The following ASIP variants were observed in gnomAD, a reference collection of about 807,000 sequenced individuals.
ASIP encodes agouti signaling protein.
A neutral mutation model predicts 10.3 loss-of-function variants in ASIP; 11 were observed. The ratio of observed to expected loss-of-function variants is 1.07; its 90% CI spans 0.68 to 1.78. The LOEUF (loss-of-function observed/expected upper bound fraction) is 1.78. Among genes scored for constraint, ASIP ranks in the 40% most tolerant of loss-of-function variants. ASIP has a pLI of 0.00. For synonymous variants in ASIP, 70 were observed against 70.8 expected, an observed-to-expected ratio of 0.99 and a Z score of 0.06; for missense variants, 180 against 169.2, an observed-to-expected ratio of 1.06 and a Z score of -0.35.
intron 1 of ASIP, among the ~76,000 whole-genome samples, chr20:34,222,838 CG>C (rs1319305977): frequency 2.0e-5 from 3 of 152,178 alleles, no homozygotes; most frequent in Non-Finnish European, 4.4e-5. Flanking sequence ...CTGTGTTGGC[CG>C]GGCCGGTCTC....
chr20:34,235,841 G>GGAAGGAAGGAAGGAAGGA (rs2035182331), intron 1 of ASIP, among the ~76,000 whole-genome samples: 1 of 36,160 alleles, frequency 2.8e-5, no homozygotes, highest in African/African-American at 3.6e-4. Flanking sequence ...AAGAAAGAAA[G>GGAAGGAAGGAAGGAAGGA]AAGGAAGGAA....
At chr20:34,205,356 T>C (rs2034927930) in intron 1 of ASIP, among the ~76,000 whole-genome samples, 1 of 152,030 alleles carries the variant, frequency 6.6e-6, no homozygotes, top group South Asian at 2.1e-4. Context: ...CTGCAGACCT[T>C]CGTGGTGAGT....
intron 1 of ASIP, among the ~76,000 whole-genome samples, chr20:34,220,022 G>A (rs1477331976): frequency 1.3e-5 from 2 of 152,026 alleles, no homozygotes; most frequent in South Asian, 2.1e-4. Context: ...CCCGGGAAGC[G>A]GAGCTTGCAG....
intron 1 of ASIP, among the ~76,000 whole-genome samples, chr20:34,199,091 A>G (rs543631333): frequency 3.7e-4 from 56 of 152,216 alleles, no homozygotes; most frequent in African/African-American, 1.3e-3. Context: ...TATGTTGTAT[A>G]TGGTAATATT....
chr20:34,258,745 C>G (rs1205309), intron 1 of ASIP, among the ~76,000 whole-genome samples: 1 of 57,404 alleles, frequency 1.7e-5, no homozygotes, highest in East Asian at 4.8e-4. Flanking sequence ...TATATATATA[C>G]TATATATAAT....
upstream of ASIP, among the ~76,000 whole-genome samples, chr20:34,191,573 T>C (rs6059709): frequency 0.31 from 46,472 of 152,020 alleles, 11,504 homozygotes; most frequent in African/African-American, 0.69. Flanking sequence ...CTCTTCTAAT[T>C]CTACAAATCC....
At chr20:34,187,430 C>G in the ASIP span, among the ~76,000 whole-genome samples, 14 of 152,184 alleles carry the variant, frequency 9.2e-5, no homozygotes, top group African/African-American at 3.4e-4. Context: ...ATCCCCTGCT[C>G]CAGGCTAGGG....
At chr20:34,193,239 G>A (rs534310788), upstream of ASIP, among the ~76,000 whole-genome samples, 5 of 152,320 alleles carry the variant, frequency 3.3e-5, no homozygotes, top group Admixed American at 6.5e-5. Flanking sequence ...TACAGCTACA[G>A]CATTTCTACA....
At position 34,200,993 on chromosome 20, in the gene ASIP, C is replaced by T. The variant is rs1236697775; in HGVS notation, c.-11+6233C>T. 2.6e-3 allele frequency among the ~76,000 whole-genome samples: 148 copies of T among 56,530 alleles called. 7 individuals carry two copies. The highest frequency in any genetic ancestry group is 0.025 in the African/African-American group (118 of 4,802). The allele number at this position is 56,530 out of a possible 152,430, so 37.1% of individuals were successfully genotyped here. ...CTTTCCTTCCTTCCTTCCTTCCTTC[C>T]TTCCTTCCTTCCTTCCTTCCTTCCT... On this transcript the variant is annotated intron_variant, in intron 1 of 3. Transcript: ENST00000568305.
chr20:34,220,089 T>TAA (rs555088035), intron 1 of ASIP, among the ~76,000 whole-genome samples: 1 of 143,618 alleles, frequency 7.0e-6, no homozygotes, highest in East Asian at 2.1e-4. Flanking sequence ...GACTCCATCT[T>TAA]AAAAAAAAAA....
At chr20:34,236,629 T>C (rs1422171030), upstream of ASIP, among the ~76,000 whole-genome samples, 6 of 152,026 alleles carry the variant, frequency 3.9e-5, no homozygotes, top group African/African-American at 1.4e-4. Flanking sequence ...GGTGGGAGAA[T>C]TGCCTGAGCC....
At chr20:34,257,656 TAA>T (rs1279576604) in intron 1 of ASIP, among the ~76,000 whole-genome samples, 1 of 152,314 alleles carries the variant, frequency 6.6e-6, no homozygotes, top group East Asian at 1.9e-4. Flanking sequence ...GATATAATAA[TAA>T]GTTTCAAAAC....
At chr20:34,221,835 C>A (rs1410926600) in intron 1 of ASIP, among the ~76,000 whole-genome samples, 1 of 152,180 alleles carries the variant, frequency 6.6e-6, no homozygotes, top group Non-Finnish European at 1.5e-5. Flanking sequence ...TTAGGCCAGC[C>A]ACAGTGGCTC....
intron 3 of ASIP, among the ~76,000 whole-genome samples, chr20:34,268,338 A>G (rs1015210416): frequency 5.3e-5 from 8 of 152,186 alleles, no homozygotes; most frequent in African/African-American, 1.9e-4. Context: ...ACAGCGGGGC[A>G]GCGAAGTTAA....
At chr20:34,198,056 AT>A (rs35269112) in intron 1 of ASIP, among the ~76,000 whole-genome samples, 27,387 of 132,226 alleles carry the variant, frequency 0.21, 3,804 homozygotes, top group African/African-American at 0.48. Flanking sequence ...TGATTGCTTA[AT>A]TTTTTTTTTT....
At chr20:34,247,922 A>C (rs1330739715) in intron 1 of ASIP, among the ~76,000 whole-genome samples, 2 of 152,062 alleles carry the variant, frequency 1.3e-5, no homozygotes, top group African/African-American at 2.4e-5. Flanking sequence ...ATTGCCCCTG[A>C]AGGCCGGGCG....
intron 1 of ASIP, among the ~76,000 whole-genome samples, chr20:34,242,867 G>A (rs573127688): frequency 6.6e-6 from 1 of 152,330 alleles, no homozygotes; most frequent in South Asian, 2.1e-4. Flanking sequence ...TGCACCCCAG[G>A]TAAAGGAATT....
intron 1 of ASIP, among the ~76,000 whole-genome samples, chr20:34,258,326 T>TA (rs1361542336): frequency 6.7e-5 from 10 of 149,692 alleles, no homozygotes; most frequent in African/African-American, 2.5e-4. Flanking sequence ...GTGGAACACA[T>TA]AGGGTCTCCG....
At chr20:34,254,204 A>G (rs891871541) in intron 1 of ASIP, among the ~76,000 whole-genome samples, 2 of 152,174 alleles carry the variant, frequency 1.3e-5, no homozygotes, top group African/African-American at 4.8e-5. Flanking sequence ...TTGGGATTAC[A>G]GGCATGCGCC....
Sources: allele counts gnomAD v4.1 joint callset (sites outside exome capture counted in the v4.1 genomes callset), GRCh38; gene constraint gnomAD v4.1.1; transcripts MANE v1.5; gene names NCBI Gene and HGNC (gene_info 2026-07-23, HGNC 2026-07-21).